Variants in SCD5 observed in about 807,000 individuals in gnomAD.
The protein encoded by SCD5 is acyl-CoA-desaturase 4.
SCD5 carries 20 observed loss-of-function variants against 30.4 expected under a neutral mutation model. The observed-to-expected ratio is 0.66, with a 90% CI of 0.46 to 0.96. SCD5 has a LOEUF of 0.96. Ranked by LOEUF, SCD5 falls within the 40% of genes least tolerant of loss-of-function variation. The pLI is 0.00. For synonymous variants in SCD5, 173 were observed against 176.4 expected (o/e 0.98, Z 0.16); for missense variants, 381 against 443.3 (o/e 0.86, Z 1.26).
chr4:82,650,678 AGAGT>A (rs35743787), intron 3 of SCD5, among the ~76,000 whole-genome samples: 114,807 of 151,464 alleles, frequency 0.76, 44,367 homozygotes, highest in East Asian at 0.99. Flanking sequence ...CCTGGGTGAC[AGAGT>A]GAGAACTTGT....
intron 1 of SCD5, among the ~76,000 whole-genome samples, chr4:82,736,103 T>C (rs571293707): frequency 1.3e-5 from 2 of 152,118 alleles, no homozygotes; most frequent in Non-Finnish European, 2.9e-5. Flanking sequence ...CTGGGCAACA[T>C]AGCGAAACAC....
chr4:82,655,255 A>C (rs1456665229), intron 3 of SCD5, among the ~76,000 whole-genome samples: 1 of 152,182 alleles, frequency 6.6e-6, no homozygotes, highest in Non-Finnish European at 1.5e-5. Context: ...CATACCCCTC[A>C]TTATGGAAAT....
At chr4:82,730,249 A>ATTATATTATATTATATATTTTAAAAC (rs1720599289) in intron 1 of SCD5, among the ~76,000 whole-genome samples, 1 of 114,142 alleles carries the variant, frequency 8.8e-6, no homozygotes, top group African/African-American at 3.2e-5. Flanking sequence ...AAAAACATAT[A>ATTATATTATATTATATATTTTAAAAC]ATATATTATA....
At position 82,748,224 on chromosome 4, in the gene SCD5, T is replaced by C. The variant is rs921558088; in HGVS notation, c.233-42811A>G. On this transcript the variant is annotated intron_variant, in intron 1 of 4. Transcript: ENST00000319540. ...AGTCAAAGCAGGGAAAGGGAAACGA[T>C]GAAAAGGGCCCATCCATTGTCCAGA... Among the ~76,000 whole-genome samples the C allele has an allele frequency of 2.0e-5, 3 of 151,832 alleles. No individual in the cohort carries two copies. In the East Asian group the frequency reaches 5.8e-4, roughly 29 times the overall value.
intron 1 of SCD5, among the ~76,000 whole-genome samples, chr4:82,760,643 C>T (rs1721343836): frequency 6.6e-6 from 1 of 152,170 alleles, no homozygotes; most frequent in Non-Finnish European, 1.5e-5. Context: ...GACCCTACCA[C>T]TCTCCATCTT....
chr4:82,723,395 A>C (rs1010506109), intron 1 of SCD5, among the ~76,000 whole-genome samples: 2 of 152,224 alleles, frequency 1.3e-5, no homozygotes, highest in Non-Finnish European at 2.9e-5. Flanking sequence ...CTTATTGGGC[A>C]GCAGAGAACT....
At chr4:82,743,355 A>C (rs10461233) in intron 1 of SCD5, among the ~76,000 whole-genome samples, 1 of 152,032 alleles carries the variant, frequency 6.6e-6, no homozygotes, top group Non-Finnish European at 1.5e-5. Context: ...TACAAAAAAT[A>C]AAAAACAAAA....
intron 3 of SCD5, among the ~76,000 whole-genome samples, chr4:82,678,917 G>C (rs188388150): frequency 2.3e-4 from 35 of 152,068 alleles, no homozygotes; most frequent in Non-Finnish European, 4.4e-5. Flanking sequence ...AAAATATCTT[G>C]TTGGCTGGGC....
Position 82,768,475 on chromosome 4 carries a change from C to G in SCD5, c.232+29831G>C, listed in dbSNP as rs1721539846. On this transcript the variant is annotated intron_variant, in intron 1 of 4. Coordinates refer to ENST00000319540, the MANE Select transcript of SCD5 (RefSeq NM_001037582.3). ...AAGAATAAGGTAATGAAAATAAGAC[C>G]TCATCTTTTATTAAGTGAGTTAGTG... Among the ~76,000 whole-genome samples the G allele has an allele frequency of 2.0e-5, 3 of 152,000 alleles. No homozygotes were observed. In the South Asian group the frequency reaches 6.2e-4, roughly 31 times the overall value.
intron 3 of SCD5, among the ~76,000 whole-genome samples, chr4:82,646,590 C>G (rs1405363937): frequency 6.6e-6 from 1 of 152,182 alleles, no homozygotes; most frequent in Non-Finnish European, 1.5e-5. Context: ...TCGAACTACT[C>G]TAGAGCTGGC....
chr4:82,786,015 A>G (rs551603777), intron 1 of SCD5, among the ~76,000 whole-genome samples: 9 of 152,320 alleles, frequency 5.9e-5, no homozygotes, highest in Admixed American at 5.9e-4. Flanking sequence ...TACATTTTAG[A>G]AATTCATTTT....
At chr4:82,696,078 A>G (rs1468666847) in intron 2 of SCD5, among the ~76,000 whole-genome samples, 1 of 152,346 alleles carries the variant, frequency 6.6e-6, no homozygotes, top group African/African-American at 2.4e-5. Flanking sequence ...TTTTAAATGT[A>G]GTGGTAATTA....
At chr4:82,711,767 C>T (rs1307167639) in intron 1 of SCD5, among the ~76,000 whole-genome samples, 10 of 151,950 alleles carry the variant, frequency 6.6e-5, no homozygotes, top group African/African-American at 1.5e-4. Flanking sequence ...GGTAGAGAAT[C>T]GCTAAATTCT....
chr4:82,693,779 T>C (rs1425594753), intron 2 of SCD5, among the ~76,000 whole-genome samples: 1 of 151,882 alleles, frequency 6.6e-6, no homozygotes, highest in Non-Finnish European at 1.5e-5. Flanking sequence ...GAGGTCCTCC[T>C]GGGTGCATGG....
chr4:82,732,719 C>T (rs902130234), intron 1 of SCD5, among the ~76,000 whole-genome samples: 1 of 152,150 alleles, frequency 6.6e-6, no homozygotes, highest in Admixed American at 6.5e-5. Context: ...TGGGGAAGCT[C>T]CTTTCACTGG....
At chr4:82,767,932 C>T (rs973800189) in intron 1 of SCD5, among the ~76,000 whole-genome samples, 7 of 152,118 alleles carry the variant, frequency 4.6e-5, no homozygotes, top group Admixed American at 3.9e-4. Context: ...TGTACTCCCA[C>T]TTGTCCTCTT....
At chr4:82,731,801 T>A (rs1720648642) in intron 1 of SCD5, among the ~76,000 whole-genome samples, 1 of 152,164 alleles carries the variant, frequency 6.6e-6, no homozygotes, top group African/African-American at 2.4e-5. Context: ...ACACAAATAC[T>A]GAACCCCAGA....
intron 1 of SCD5, among the ~76,000 whole-genome samples, chr4:82,765,045 G>A (rs867962937): frequency 3.9e-4 from 60 of 152,064 alleles, no homozygotes; most frequent in African/African-American, 1.3e-3. Flanking sequence ...TTTAAAATAC[G>A]AAAATTTATT....
chr4:82,721,336 C>T (rs1040946087), intron 1 of SCD5, among the ~76,000 whole-genome samples: 2 of 152,132 alleles, frequency 1.3e-5, no homozygotes, highest in African/African-American at 2.4e-5. Context: ...AAGCACAGTA[C>T]TAGATATGCC....
Sources: allele counts gnomAD v4.1 joint callset (sites outside exome capture counted in the v4.1 genomes callset), GRCh38; gene constraint gnomAD v4.1.1; transcripts MANE v1.5; gene names NCBI Gene and HGNC (gene_info 2026-07-23, HGNC 2026-07-21).